Variants in FGF14 observed in about 807,000 individuals in gnomAD.
FGF14 encodes the protein fibroblast growth factor homologous factor 4.
Under a neutral mutation model 25.5 loss-of-function variants are expected in FGF14, and 5 were observed. The ratio of observed to expected loss-of-function variants is 0.20; its 90% CI spans 0.10 to 0.41. The LOEUF (loss-of-function observed/expected upper bound fraction) is 0.41. Among genes scored for constraint, FGF14 ranks in the 10% least tolerant of loss-of-function variants. The pLI is 1.00. For missense variants in FGF14, 222 were observed against 320.1 expected (o/e 0.69, Z 2.34); for synonymous variants, 138 against 118.3 (o/e 1.17, Z -1.08).
At chr13:102,098,663 G>C (rs948605293) in intron 1 of FGF14, among the ~76,000 whole-genome samples, 2 of 152,176 alleles carry the variant, frequency 1.3e-5, no homozygotes, top group Non-Finnish European at 2.9e-5. Flanking sequence ...GACTAGAGGA[G>C]GTCAGAACTG....
At chr13:101,962,932 A>G (rs550156963) in intron 1 of FGF14, among the ~76,000 whole-genome samples, 1 of 152,334 alleles carries the variant, frequency 6.6e-6, no homozygotes, top group South Asian at 2.1e-4. Flanking sequence ...TGGGAAGTGG[A>G]ATTGAGTGTT....
At chr13:101,879,099 A>C (rs571117590) in intron 1 of FGF14, among the ~76,000 whole-genome samples, 1 of 152,302 alleles carries the variant, frequency 6.6e-6, no homozygotes, top group African/African-American at 2.4e-5. Context: ...TCATAAAATT[A>C]TTAGTTCTTT....
chr13:102,237,487 C>T lies in FGF14; in HGVS notation c.208+163984G>A, dbSNP rs149597466. Among the ~76,000 whole-genome samples, 921 of 151,898 alleles carry T rather than the reference C, an allele frequency of 6.1e-3. 7 individuals carry two copies. Among genetic ancestry groups the T allele is most frequent in the Non-Finnish European group, 6.1e-3 (414 of 68,010 alleles). On this transcript the variant is annotated intron_variant, in intron 1 of 4. Coordinates refer to the FGF14 transcript ENST00000376131. ...CCTTGAGGAGTGGTGAATGTCACAG[C>T]TCACAATTGAACATCTGTTACTTTG...
intron 1 of FGF14, among the ~76,000 whole-genome samples, chr13:102,332,744 T>C (rs1469915848): frequency 2.0e-5 from 3 of 152,138 alleles, no homozygotes; most frequent in Non-Finnish European, 4.4e-5. Flanking sequence ...CAGTTATTAA[T>C]AATAATTTTT....
At chr13:101,916,353 G>A in intron 1 of FGF14, 100 bp downstream of exon 1, 1 of 1,437,436 alleles carries the variant, frequency 7.0e-7, no homozygotes, top group Non-Finnish European at 9.7e-7. Flanking sequence ...GGGCCGGGGT[G>A]GGCCGGGAAA....
chr13:102,006,383 G>C (rs1402990675), intron 1 of FGF14, among the ~76,000 whole-genome samples: 2 of 152,146 alleles, frequency 1.3e-5, no homozygotes, highest in Non-Finnish European at 2.9e-5. Flanking sequence ...GTGAATACTG[G>C]GGGCCTTGGG....
intron 1 of FGF14, among the ~76,000 whole-genome samples, chr13:102,381,724 G>T (rs550844086): frequency 2.5e-4 from 38 of 152,198 alleles, no homozygotes; most frequent in African/African-American, 9.2e-4. Flanking sequence ...GTAAAAGTAG[G>T]CATGCATTGT....
intron 1 of FGF14, among the ~76,000 whole-genome samples, chr13:102,026,796 T>A (rs1325171756): frequency 1.3e-5 from 2 of 151,990 alleles, no homozygotes; most frequent in East Asian, 3.9e-4. Flanking sequence ...CTCTGAGTCA[T>A]TATTTACATA....
chr13:102,195,976 T>C (rs1188562072), intron 1 of FGF14, among the ~76,000 whole-genome samples: 1 of 152,148 alleles, frequency 6.6e-6, no homozygotes, highest in African/African-American at 2.4e-5. Context: ...AGTATTGAGA[T>C]TACAAAGTGG....
intron 1 of FGF14, among the ~76,000 whole-genome samples, chr13:102,259,971 C>G (rs2052638361): frequency 1.3e-5 from 2 of 152,298 alleles, no homozygotes; most frequent in South Asian, 2.1e-4. Context: ...GGAGCTGTTT[C>G]CCACGTTCCC....
intron 3 of FGF14, among the ~76,000 whole-genome samples, chr13:101,814,992 G>A (rs2041769768): frequency 1.3e-5 from 1 of 75,620 alleles, no homozygotes; most frequent in Non-Finnish European, 3.7e-5. Flanking sequence ...TAGTACCCCT[G>A]ATGGTCATTC....
intron 1 of FGF14, among the ~76,000 whole-genome samples, chr13:102,033,497 GCACACA>G (rs71753230): frequency 1.2e-4 from 17 of 145,124 alleles, no homozygotes; most frequent in Non-Finnish European, 8.9e-5. Flanking sequence ...GCGTGTGCAC[GCACACA>G]CACACACACA....
chr13:102,188,946 GAGAAAGAAAGAAAGAAAGAAAGAAAGAA>G (rs71125054), intron 1 of FGF14, among the ~76,000 whole-genome samples: 4 of 90,836 alleles, frequency 4.4e-5, no homozygotes, highest in South Asian at 8.4e-4. Flanking sequence ...AAAGAAAGGA[GAGAAAGAAAGAAAGAAAGAAAGAAAGAA>G]AGAAAGAAAG....
In FGF14 at chr13:102,132,519, T is replaced by C. The variant is rs570385344; in HGVS notation, c.209-257223A>G. On this transcript the variant is annotated intron_variant, in intron 1 of 4. Transcript: ENST00000376131. The stretch of plus-strand genomic sequence containing the variant: ...CATACTTTTCTTTCTTTCTTTCTTT[T>C]TTTTTTTTTTTGAGACAGAGTGCCC... Among the ~76,000 whole-genome samples, 936 of 144,348 alleles carry C rather than the reference T, an allele frequency of 6.5e-3. 9 individuals carry two copies. Among genetic ancestry groups the C allele is most frequent in the African/African-American group, 0.024 (861 of 35,590 alleles). The allele number at this position is 144,348 out of a possible 152,430, so 94.7% of individuals were successfully genotyped here.
chr13:101,962,297 G>A (rs2036908106), intron 1 of FGF14, among the ~76,000 whole-genome samples: 1 of 151,986 alleles, frequency 6.6e-6, no homozygotes, highest in Non-Finnish European at 1.5e-5. Flanking sequence ...TGTATTCCTA[G>A]GTATTTGATT....
chr13:102,160,407 G>T (rs1045600087), intron 1 of FGF14, among the ~76,000 whole-genome samples: 10 of 152,082 alleles, frequency 6.6e-5, no homozygotes, highest in Admixed American at 1.3e-4. Flanking sequence ...AACCACCTGT[G>T]GCAGGAAAGG....
At chr13:102,205,984 TAAAAAAAAA>T (rs36108366) in intron 1 of FGF14, among the ~76,000 whole-genome samples, 3 of 47,442 alleles carry the variant, frequency 6.3e-5, no homozygotes, top group African/African-American at 1.4e-4. Flanking sequence ...CTCCCTGTGG[TAAAAAAAAA>T]AAAAAAAAAA....
At chr13:102,073,209 G>A (rs538376711) in intron 1 of FGF14, among the ~76,000 whole-genome samples, 1 of 152,286 alleles carries the variant, frequency 6.6e-6, no homozygotes, top group East Asian at 1.9e-4. Context: ...CTGAGATCAT[G>A]CCACTGCACT....
intron 3 of FGF14, among the ~76,000 whole-genome samples, chr13:101,838,821 A>T (rs528090021): frequency 1.5e-4 from 23 of 152,228 alleles, no homozygotes; most frequent in Admixed American, 1.5e-3. Context: ...TTGATAAACA[A>T]TTTGTGCCAA....
Sources: gnomAD v4.1 joint callset for allele counts (sites outside exome capture counted in the v4.1 genomes callset) on GRCh38, gnomAD v4.1.1 for gene constraint, MANE v1.5 for transcripts, NCBI Gene and HGNC (gene_info 2026-07-23, HGNC 2026-07-21) for gene names.